Variants in AGAP1 observed in about 807,000 individuals in gnomAD.
AGAP1 encodes the protein ArfGAP with GTPase domain, ankyrin repeat and PH domain 1, also known as arf-GAP with GTPase, ANK repeat and PH domain-containing protein 1.
Under a neutral mutation model 105.3 loss-of-function variants are expected in AGAP1, and 29 were observed. The ratio of observed to expected loss-of-function variants is 0.28; its 90% CI spans 0.21 to 0.38. AGAP1 has a LOEUF of 0.38. AGAP1 is among the 10% of genes least tolerant of loss of function. AGAP1 has a pLI of 1.00. For synonymous variants in AGAP1, 509 were observed against 485.9 expected, an observed-to-expected ratio of 1.05 and a Z score of -0.63; for missense variants, 998 against 1,165.1, an observed-to-expected ratio of 0.86 and a Z score of 2.09.
In AGAP1 at chr2:236,119,315, C is replaced by A. The variant is rs1268485958; in HGVS notation, c.2115-877C>A. Among the ~76,000 whole-genome samples, 1 of 152,144 alleles carries A rather than the reference C, an allele frequency of 6.6e-6. No individual in the cohort carries two copies. Among genetic ancestry groups the A allele is most frequent in the African/African-American group, 2.4e-5 (1 of 41,422 alleles). ...TCCCAGGCCCTGGAACAGTTTCCCC[C>A]AAAAAACTCAGCCATTCCTGACATT... On this transcript the variant is annotated intron_variant, in intron 16 of 17. Transcript: ENST00000304032. The surrounding 1 kb of genome is among the most constrained non-coding windows in gnomAD (Gnocchi z 6.6).
At chr2:235,823,777 G>A (rs1424195717) in intron 9 of AGAP1, among the ~76,000 whole-genome samples, 1 of 152,084 alleles carries the variant, frequency 6.6e-6, no homozygotes, top group Non-Finnish European at 1.5e-5. Context: ...TTTTAAATAT[G>A]CAAGGGAATA....
rs1952809457 is a variant in AGAP1 at position 235,744,903 on chromosome 2, G to A, written c.538+64G>A. 5 of 1,558,150 alleles carry A rather than the reference G, an allele frequency of 3.2e-6. No homozygotes were observed. The East Asian group carries it at 6.9e-5, about 21-fold the overall frequency. On this transcript the variant is annotated intron_variant, in intron 5 of 17. Transcript: ENST00000304032. This position sits in a 1 kb window ranked among gnomAD's most constrained non-coding sequence, Gnocchi z 5.2. ...CTAACAGTTACATATTTTCAGTATG[G>A]AGGAGTTTAAAAAATGCTTTAAAGA...
rs2125324879 is a variant in AGAP1 at position 235,964,059 on chromosome 2, G to T, written c.1484-4403G>T. Among the ~76,000 whole-genome samples the T allele has an allele frequency of 6.6e-6, 1 of 152,308 alleles. No homozygotes were observed. The highest frequency in any genetic ancestry group is 1.9e-4 in the East Asian group (1 of 5,180). On this transcript the variant is annotated intron_variant, in intron 12 of 17. Coordinates refer to ENST00000304032, the MANE Select transcript of AGAP1 (RefSeq NM_001037131.3). The surrounding 1 kb of genome is among the most constrained non-coding windows in gnomAD (Gnocchi z 4.6). ...GAGGCGAGCACTGGTGGTTGCCCTGGGCACAGGCATGCTAGTTAGATTGAG... is the reference window on the plus strand; with the variant it reads ...GAGGCGAGCACTGGTGGTTGCCCTGTGCACAGGCATGCTAGTTAGATTGAG...
At position 235,951,561 on chromosome 2, in the gene AGAP1, T is replaced by A. The variant is rs950131764; in HGVS notation, c.1484-16901T>A. On this transcript the variant is annotated intron_variant, in intron 12 of 17. Transcript: ENST00000304032. The surrounding 1 kb of genome is among the most constrained non-coding windows in gnomAD (Gnocchi z 4.2). Reference sequence around the variant, plus strand: ...GATTGCCATGACCACATATTAATAGTTGCACTGAGAAACAGGCGTAAACAG... The same window carrying A: ...GATTGCCATGACCACATATTAATAGATGCACTGAGAAACAGGCGTAAACAG... Among the ~76,000 whole-genome samples, 1 of 152,208 alleles carries A rather than the reference T, an allele frequency of 6.6e-6. No individual in the cohort carries two copies. The highest frequency in any genetic ancestry group is 2.4e-5 in the African/African-American group (1 of 41,452).
intron 1 of AGAP1, among the ~76,000 whole-genome samples, chr2:235,564,015 G>GTGCA (rs535000135): frequency 1.1e-3 from 172 of 152,294 alleles, no homozygotes; most frequent in African/African-American, 3.7e-3. Context: ...TTGTGGGAGA[G>GTGCA]TGCATGTGTC....
At chr2:235,528,571 G>T (rs1447556996) in intron 1 of AGAP1, among the ~76,000 whole-genome samples, 2 of 152,292 alleles carry the variant, frequency 1.3e-5, no homozygotes, top group South Asian at 2.1e-4. Context: ...GTCAGTGAAA[G>T]ATTGTCTTCT....
chr2:235,938,599 G>A (rs1044838954), intron 12 of AGAP1, among the ~76,000 whole-genome samples: 3 of 152,198 alleles, frequency 2.0e-5, no homozygotes, highest in Admixed American at 6.5e-5. Context: ...CAGGAGTACC[G>A]GACCTGGTGG....
chr2:235,670,913 T>C (rs1948376318), intron 1 of AGAP1: 2 of 1,339,382 alleles, frequency 1.5e-6, no homozygotes, highest in Non-Finnish European at 1.9e-6. Flanking sequence ...CAGCGGCATC[T>C]TCGCGCGCAG....
At chr2:235,495,289 G>C (rs1211047513) in intron 1 of AGAP1, among the ~76,000 whole-genome samples, 2 of 152,240 alleles carry the variant, frequency 1.3e-5, no homozygotes, top group African/African-American at 4.8e-5. Flanking sequence ...GGCCCGGGCC[G>C]GCGTGTTTGG....
At chr2:235,800,253 T>TATG (rs1957432619) in intron 8 of AGAP1, among the ~76,000 whole-genome samples, 1 of 151,558 alleles carries the variant, frequency 6.6e-6, no homozygotes, top group Non-Finnish European at 1.5e-5. Flanking sequence ...CACTCACCAC[T>TATG]ACGTGTGGCT....
intron 1 of AGAP1, among the ~76,000 whole-genome samples, chr2:235,686,651 ATATATATATATATAT>A (rs1372386367): frequency 7.8e-5 from 3 of 38,232 alleles, no homozygotes; most frequent in African/African-American, 5.0e-4. Flanking sequence ...ATATAGATAT[ATATATATATATATAT>A]TTTTTTTTTT....
At chr2:235,677,906 C>CAAAAAA (rs61111847) in intron 1 of AGAP1, among the ~76,000 whole-genome samples, 2 of 62,954 alleles carry the variant, frequency 3.2e-5, no homozygotes, top group Non-Finnish European at 6.4e-5. Flanking sequence ...AGCTCTTTAC[C>CAAAAAA]AAAAAAAAAA....
chr2:235,857,193 G>A (rs538261083), intron 9 of AGAP1, among the ~76,000 whole-genome samples: 8 of 152,142 alleles, frequency 5.3e-5, no homozygotes, highest in Non-Finnish European at 1.2e-4. Context: ...GCTGCCTCCC[G>A]TCAGATCAGC....
In AGAP1 at chr2:235,882,680, G is replaced by A. The variant is rs1361623401; in HGVS notation, c.1051-665G>A. ...GGTTTCACCAATATTGGCCATGGTT[G>A]GCCAGGCTGGCCTCAAACTCCTGAC... On this transcript the variant is annotated intron_variant, in intron 9 of 17. Coordinates refer to ENST00000304032, the MANE Select transcript of AGAP1 (RefSeq NM_001037131.3). This position sits in a 1 kb window ranked among gnomAD's most constrained non-coding sequence, Gnocchi z 4.6. Among the ~76,000 whole-genome samples, 1 of 152,104 alleles carries A rather than the reference G, an allele frequency of 6.6e-6. No individual in the cohort carries two copies. The highest frequency in any genetic ancestry group is 6.6e-5 in the Admixed American group (1 of 15,262).
In AGAP1 at chr2:236,003,930, C is replaced by G. The variant is rs1372353006; in HGVS notation, c.1646-32631C>G. On this transcript the variant is annotated intron_variant, in intron 13 of 17. Coordinates refer to ENST00000304032, the MANE Select transcript of AGAP1 (RefSeq NM_001037131.3). This position sits in a 1 kb window ranked among gnomAD's most constrained non-coding sequence, Gnocchi z 4.2. ...AGATTGATGCATAAAACAGTCAGCC[C>G]CTGGACTCCATGGCTCTGTGGAATG... Among the ~76,000 whole-genome samples the G allele has an allele frequency of 6.6e-6, 1 of 152,062 alleles. No individual in the cohort carries two copies. The highest frequency in any genetic ancestry group is 1.9e-4 in the East Asian group (1 of 5,192).
intron 9 of AGAP1, among the ~76,000 whole-genome samples, chr2:235,868,601 A>G (rs1386027246): frequency 6.6e-6 from 1 of 152,198 alleles, no homozygotes; most frequent in African/African-American, 2.4e-5. Flanking sequence ...TGAGACTCAA[A>G]ACAAAGACTG....
chr2:235,698,929 T>A (rs939030794), intron 1 of AGAP1, among the ~76,000 whole-genome samples: 1 of 151,986 alleles, frequency 6.6e-6, no homozygotes, highest in African/African-American at 2.4e-5. Context: ...AACCCCAGGG[T>A]GGGTTTTTAG....
intron 1 of AGAP1, among the ~76,000 whole-genome samples, chr2:235,525,186 A>G (rs1333872753): frequency 6.6e-6 from 1 of 152,238 alleles, no homozygotes; most frequent in African/African-American, 2.4e-5. Flanking sequence ...AACTGGAGAT[A>G]TTGATATGAT....
At chr2:235,987,879 A>G (rs2055388208) in intron 13 of AGAP1, among the ~76,000 whole-genome samples, 1 of 152,158 alleles carries the variant, frequency 6.6e-6, no homozygotes, top group Non-Finnish European at 1.5e-5. Flanking sequence ...GTTCATGCGT[A>G]ATACGGAATT....
Sources: gnomAD v4.1 joint callset for allele counts (sites outside exome capture counted in the v4.1 genomes callset) on GRCh38, gnomAD v4.1.1 for gene constraint, Gnocchi (gnomAD v3.1) non-coding constraint, MANE v1.5 for transcripts, NCBI Gene and HGNC (gene_info 2026-07-23, HGNC 2026-07-21) for gene names.